PDLIM5: variants seen among roughly 807,000 people sequenced by gnomAD.
PDLIM5 encodes the protein PDZ and LIM domain 5.
Under a neutral mutation model 64.2 loss-of-function variants are expected in PDLIM5, and 34 were observed. The observed-to-expected ratio is 0.53, with a 90% CI of 0.40 to 0.71. The LOEUF (loss-of-function observed/expected upper bound fraction) is 0.71, where lower values mean the gene tolerates loss of function less well. Ranked by LOEUF, PDLIM5 falls within the 30% of genes least tolerant of loss-of-function variation. The pLI is 0.00. For missense variants in PDLIM5, 683 were observed against 733.6 expected, an observed-to-expected ratio of 0.93 and a Z score of 0.80; for synonymous variants, 253 against 269.1, an observed-to-expected ratio of 0.94 and a Z score of 0.59.
intron 9 of PDLIM5, among the ~76,000 whole-genome samples, chr4:94,643,710 C>T (rs944405864): frequency 1.3e-5 from 2 of 152,082 alleles, no homozygotes; most frequent in Non-Finnish European, 2.9e-5. Context: ...CAGTACAGCA[C>T]CAGAAAAACT....
chr4:94,598,969 G>A (rs1737278136), intron 7 of PDLIM5, among the ~76,000 whole-genome samples: 1 of 152,094 alleles, frequency 6.6e-6, no homozygotes, highest in Non-Finnish European at 1.5e-5. Flanking sequence ...CTGAAAAAGA[G>A]CCATTATGAA....
At chr4:94,506,769 G>A (rs1046214595) in intron 2 of PDLIM5, among the ~76,000 whole-genome samples, 1 of 152,190 alleles carries the variant, frequency 6.6e-6, no homozygotes, top group Non-Finnish European at 1.5e-5. Flanking sequence ...TTCTGCATAT[G>A]TTTGTGAGGG....
At chr4:94,536,256 G>A (rs559554726) in intron 3 of PDLIM5, among the ~76,000 whole-genome samples, 106 of 152,210 alleles carry the variant, frequency 7.0e-4, no homozygotes, top group Non-Finnish European at 1.3e-3. Context: ...ATCCCAGGCC[G>A]GAAGACAGCT....
chr4:94,590,319 A>G (rs1736579485), intron 7 of PDLIM5, among the ~76,000 whole-genome samples: 1 of 152,190 alleles, frequency 6.6e-6, no homozygotes, highest in Non-Finnish European at 1.5e-5. Flanking sequence ...AAAATATAGA[A>G]TGAATTGATT....
At chr4:94,466,280 A>C (rs1420884348) in intron 2 of PDLIM5, among the ~76,000 whole-genome samples, 1 of 152,178 alleles carries the variant, frequency 6.6e-6, no homozygotes, top group Non-Finnish European at 1.5e-5. Context: ...TGTGTTTCTT[A>C]ACCAGAGAAT....
intron 7 of PDLIM5, chr4:94,611,022 T>C (rs756997548): frequency 3.5e-6 from 5 of 1,420,472 alleles, no homozygotes; most frequent in African/African-American, 2.8e-5. Flanking sequence ...CTGTCTGCTA[T>C]TGGTAGTGTG....
intron 2 of PDLIM5, among the ~76,000 whole-genome samples, chr4:94,489,365 T>C (rs1726650338): frequency 1.3e-5 from 2 of 152,294 alleles, no homozygotes; most frequent in South Asian, 2.1e-4. Context: ...ATGTATATTA[T>C]ACATACTTTG....
At chr4:94,572,734 A>G (rs1171480374) in intron 3 of PDLIM5, among the ~76,000 whole-genome samples, 1 of 152,200 alleles carries the variant, frequency 6.6e-6, no homozygotes, top group Non-Finnish European at 1.5e-5. Flanking sequence ...CAGATGGGGC[A>G]TGGTCATTGC....
intron 7 of PDLIM5, among the ~76,000 whole-genome samples, chr4:94,598,026 A>G (rs1737202619): frequency 6.6e-6 from 1 of 152,194 alleles, no homozygotes; most frequent in African/African-American, 2.4e-5. Context: ...CTTTGAATTT[A>G]ATAATGAAAT....
intron 3 of PDLIM5, among the ~76,000 whole-genome samples, chr4:94,531,931 G>A (rs1424674555): frequency 6.6e-6 from 1 of 151,714 alleles, no homozygotes; most frequent in Non-Finnish European, 1.5e-5. Context: ...TAGAGTGAAA[G>A]GAAAAAGGGG....
chr4:94,497,296 A>G (rs1017286253), intron 2 of PDLIM5, among the ~76,000 whole-genome samples: 1 of 152,212 alleles, frequency 6.6e-6, no homozygotes, highest in Non-Finnish European at 1.5e-5. Flanking sequence ...ACTTATGATC[A>G]GTAAAATCTT....
intron 9 of PDLIM5, among the ~76,000 whole-genome samples, chr4:94,652,346 T>C (rs192965814): frequency 1.3e-5 from 2 of 152,294 alleles, no homozygotes; most frequent in African/African-American, 4.8e-5. Context: ...GAGAGTAGCA[T>C]GAAACCCCAA....
chr4:94,577,481 ATATT>A (rs1484420097), intron 5 of PDLIM5: 6 of 381,178 alleles, frequency 1.6e-5, no homozygotes, highest in African/African-American at 1.1e-4. Flanking sequence ...ATATATATAT[ATATT>A]GAGGAAAACT....
chr4:94,568,101 A>G (rs1199308091), intron 3 of PDLIM5, among the ~76,000 whole-genome samples: 3 of 152,250 alleles, frequency 2.0e-5, no homozygotes, highest in African/African-American at 7.2e-5. Flanking sequence ...CAAAAGAGGC[A>G]TGGTCATGTA....
chr4:94,462,896 G>T (rs1724030853), intron 2 of PDLIM5, among the ~76,000 whole-genome samples: 1 of 152,088 alleles, frequency 6.6e-6, no homozygotes, highest in Non-Finnish European at 1.5e-5. Flanking sequence ...ATTTTACAAA[G>T]GATTTTCTGT....
At chr4:94,555,724 A>C (rs890946260) in intron 3 of PDLIM5, among the ~76,000 whole-genome samples, 1 of 151,876 alleles carries the variant, frequency 6.6e-6, no homozygotes, top group Non-Finnish European at 1.5e-5. Context: ...TGCCAATTCT[A>C]TGTTATTTTA....
intron 7 of PDLIM5, among the ~76,000 whole-genome samples, chr4:94,591,392 T>G (rs1736663110): frequency 6.6e-6 from 1 of 152,226 alleles, no homozygotes; most frequent in South Asian, 2.1e-4. Context: ...AAGTTTCCAC[T>G]TCTTTAAAAT....
chr4:94,610,263 C>T (rs1447266170), intron 7 of PDLIM5: 5 of 1,520,520 alleles, frequency 3.3e-6, no homozygotes, highest in East Asian at 2.5e-5. Flanking sequence ...TTCTGAGCAG[C>T]GCAGCTGCTA....
chr4:94,491,314 A>G (rs1032129188), intron 2 of PDLIM5, among the ~76,000 whole-genome samples: 1 of 152,106 alleles, frequency 6.6e-6, no homozygotes, highest in Non-Finnish European at 1.5e-5. Context: ...GAGATTTTTA[A>G]CTCTGACATT....
Sources: allele counts gnomAD v4.1 joint callset (sites outside exome capture counted in the v4.1 genomes callset), GRCh38; gene constraint gnomAD v4.1.1; transcripts MANE v1.5; gene names NCBI Gene and HGNC (gene_info 2026-07-23, HGNC 2026-07-21).